ROBO2: variants seen among roughly 807,000 people sequenced by gnomAD.
The protein encoded by ROBO2 is roundabout guidance receptor 2, also known as roundabout homolog 2.
A neutral mutation model predicts 160.8 loss-of-function variants in ROBO2; 53 were observed. The observed-to-expected ratio is 0.33, with a 90% CI of 0.26 to 0.41. The LOEUF is 0.41. ROBO2 is among the 10% of genes least tolerant of loss of function. The pLI is 1.00. For missense variants in ROBO2, 1,577 were observed against 1,722.4 expected (o/e 0.92, Z 1.49); for synonymous variants, 664 against 611.7 (o/e 1.09, Z -1.26).
At chr3:77,378,126 G>C (rs1327323754) in intron 2 of ROBO2, among the ~76,000 whole-genome samples, 3 of 152,168 alleles carry the variant, frequency 2.0e-5, no homozygotes, top group Admixed American at 2.0e-4. Context: ...TCTAAAAAAG[G>C]TAGTATAGAT....
chr3:77,460,958 T>C (rs897106322), intron 2 of ROBO2, among the ~76,000 whole-genome samples: 1 of 152,176 alleles, frequency 6.6e-6, no homozygotes, highest in African/African-American at 2.4e-5. Context: ...TGTATGGAAG[T>C]CTTATTCGAC....
At chr3:76,324,739 T>C (rs944312226) in intron 2 of ROBO2, among the ~76,000 whole-genome samples, 1 of 152,086 alleles carries the variant, frequency 6.6e-6, no homozygotes, top group African/African-American at 2.4e-5. Flanking sequence ...TCAAAAAACT[T>C]CTCTGGAAAA....
chr3:76,105,667 G>T (rs13072283), intron 2 of ROBO2, among the ~76,000 whole-genome samples: 1 of 152,068 alleles, frequency 6.6e-6, no homozygotes, highest in East Asian at 1.9e-4. Flanking sequence ...TATGAGTTCT[G>T]AACTGTAGAA....
At position 76,703,460 on chromosome 3, in the gene ROBO2, C is replaced by T. The variant is rs372497520; in HGVS notation, c.110-394554C>T. On this transcript the variant is annotated intron_variant, in intron 2 of 26. Coordinates refer to the ROBO2 transcript ENST00000487694. ...ATACACGTACCATGGTGGTTTGCTGCACCCATCAACCAGTCACCTACATTA... is the reference window on the plus strand; with the variant it reads ...ATACACGTACCATGGTGGTTTGCTGTACCCATCAACCAGTCACCTACATTA... Among the ~76,000 whole-genome samples the T allele has an allele frequency of 9.9e-5, 15 of 152,206 alleles. No individual in the cohort carries two copies. The South Asian group carries it at 2.3e-3, about 23-fold the overall frequency.
intron 2 of ROBO2, among the ~76,000 whole-genome samples, chr3:76,281,244 A>G (rs777112819): frequency 5.3e-5 from 8 of 151,740 alleles, no homozygotes; most frequent in Non-Finnish European, 1.2e-4. Flanking sequence ...CCAAGAGAGC[A>G]TATTTTCAAT....
intron 2 of ROBO2, among the ~76,000 whole-genome samples, chr3:77,280,847 T>C (rs2060195438): frequency 6.6e-6 from 1 of 152,210 alleles, no homozygotes; most frequent in Non-Finnish European, 1.5e-5. Context: ...GACACTCATG[T>C]GGACACTGAT....
At chr3:76,777,020 C>T (rs2062313595) in intron 2 of ROBO2, among the ~76,000 whole-genome samples, 1 of 151,016 alleles carries the variant, frequency 6.6e-6, no homozygotes, top group African/African-American at 2.4e-5. Flanking sequence ...TCCACACTAG[C>T]ATTCCTTTGG....
intron 2 of ROBO2, among the ~76,000 whole-genome samples, chr3:76,630,156 G>T (rs531058769): frequency 1.3e-5 from 2 of 152,326 alleles, no homozygotes; most frequent in South Asian, 4.1e-4. Flanking sequence ...GCCATAGTCT[G>T]TGTAGAGTTT....
At chr3:76,063,330 G>A (rs1212983981) in intron 2 of ROBO2, among the ~76,000 whole-genome samples, 1 of 149,988 alleles carries the variant, frequency 6.7e-6, no homozygotes, top group African/African-American at 2.5e-5. Context: ...TTTTTTTTAT[G>A]CTGCCCTCCT....
exon 1 of ROBO2, chr3:77,040,597 T>G: frequency 6.9e-7 from 1 of 1,447,344 alleles, no homozygotes. Context: ...TTTGGATGGA[T>G]CTCAGTGTGC....
At chr3:77,024,372 C>T (rs1371659617) in intron 2 of ROBO2, among the ~76,000 whole-genome samples, 1 of 152,164 alleles carries the variant, frequency 6.6e-6, no homozygotes, top group Admixed American at 6.5e-5. Context: ...GAGTCTAACA[C>T]TGAGCTAACC....
chr3:76,049,408 T>A (rs2035701), intron 2 of ROBO2, among the ~76,000 whole-genome samples: 671 of 92,434 alleles, frequency 7.3e-3, no homozygotes, highest in Non-Finnish European at 0.012. Context: ...TATATATTTT[T>A]TTTTTTTTTT....
intron 2 of ROBO2, among the ~76,000 whole-genome samples, chr3:75,995,380 G>T (rs1031844553): frequency 3.3e-5 from 5 of 152,166 alleles, no homozygotes; most frequent in African/African-American, 1.2e-4. Context: ...GCTTCAGAGG[G>T]TGCAAGCCCC....
intron 2 of ROBO2, among the ~76,000 whole-genome samples, chr3:77,034,672 C>T (rs189675356): frequency 3.3e-5 from 5 of 151,976 alleles, no homozygotes; most frequent in South Asian, 2.1e-4. Flanking sequence ...TAAAAATCCA[C>T]GGGTATCTAT....
rs1277468702 is a variant in ROBO2, at chr3:77,457,763, A to C, written c.389-19651A>C. Reference sequence around the variant, plus strand: ...TAATGAATTTAAGTGTTTAAACCAGATTATTCTGTCCTCCTAAGTATTATT... The same window carrying C: ...TAATGAATTTAAGTGTTTAAACCAGCTTATTCTGTCCTCCTAAGTATTATT... On this transcript the variant is annotated intron_variant, in intron 2 of 25. Transcript: ENST00000461745. Among the ~76,000 whole-genome samples, 4 of 152,202 alleles carry C rather than the reference A, an allele frequency of 2.6e-5. No individual in the cohort carries two copies. The South Asian group carries it at 8.3e-4, about 31-fold the overall frequency.
At chr3:75,920,236 T>C (rs1365530053) in intron 1 of ROBO2, among the ~76,000 whole-genome samples, 1 of 152,236 alleles carries the variant, frequency 6.6e-6, no homozygotes, top group Non-Finnish European at 1.5e-5. Flanking sequence ...GTGTCTTTGT[T>C]CTCATTGGTT....
chr3:76,329,395 T>C (rs2073306544), intron 2 of ROBO2, among the ~76,000 whole-genome samples: 1 of 152,034 alleles, frequency 6.6e-6, no homozygotes, highest in African/African-American at 2.4e-5. Flanking sequence ...TTTTTGTACT[T>C]TTAGTAGAGA....
chr3:76,248,818 C>G (rs1026486174), intron 2 of ROBO2, among the ~76,000 whole-genome samples: 2 of 152,038 alleles, frequency 1.3e-5, no homozygotes, highest in Non-Finnish European at 2.9e-5. Context: ...TGTCATTTCA[C>G]CAACCTCTAA....
rs541719564 is a variant in ROBO2 at position 76,690,503 on chromosome 3, A to G, written c.110-407511A>G. 2.6e-5 allele frequency among the ~76,000 whole-genome samples: 4 copies of G among 152,148 alleles called. No individual in the cohort carries two copies. In the South Asian group the frequency reaches 8.3e-4, roughly 32 times the overall value. On this transcript the variant is annotated intron_variant, in intron 2 of 26. Transcript: ENST00000487694. ...GAGATCAGCCTTCACCAGACACCAA[A>G]CCTGCCTCCATATTGATCTTGAACT...
Sources: gnomAD v4.1 joint callset for allele counts (sites outside exome capture counted in the v4.1 genomes callset) on GRCh38, gnomAD v4.1.1 for gene constraint, MANE v1.5 for transcripts, NCBI Gene and HGNC (gene_info 2026-07-23, HGNC 2026-07-21) for gene names.